The following IKZF3 variants were observed in gnomAD, a reference collection of about 807,000 sequenced individuals.
IKZF3 encodes the protein IKAROS family zinc finger 3.
Under a neutral mutation model 49.0 loss-of-function variants are expected in IKZF3, and 10 were observed. The observed-to-expected ratio is 0.20, with a 90% confidence interval of 0.13 to 0.35. The LOEUF (loss-of-function observed/expected upper bound fraction) is 0.35, where lower values mean the gene tolerates loss of function less well. IKZF3 is among the 10% of genes least tolerant of loss of function. The pLI is 1.00. For missense variants in IKZF3, 498 were observed against 664.8 expected, an observed-to-expected ratio of 0.75 and a Z score of 2.76; for synonymous variants, 209 against 228.2, an observed-to-expected ratio of 0.92 and a Z score of 0.76.
intron 1 of IKZF3, among the ~76,000 whole-genome samples, chr17:39,845,146 T>C (rs925116589): frequency 6.6e-6 from 1 of 152,218 alleles, no homozygotes; most frequent in African/African-American, 2.4e-5. Context: ...AGAATGGTTT[T>C]TACATCTTTA....
intron 1 of IKZF3, among the ~76,000 whole-genome samples, chr17:39,856,098 T>C (rs938446754): frequency 2.0e-5 from 3 of 150,948 alleles, no homozygotes; most frequent in Non-Finnish European, 4.4e-5. Context: ...ATAACATGTA[T>C]ATTGTATATG....
At position 39,792,655 on chromosome 17, in the gene IKZF3, A is replaced by G; in HGVS notation, c.424+18T>C. The G allele has an allele frequency of 6.2e-7, 1 of 1,600,830 alleles. No homozygotes were observed. The highest frequency in any genetic ancestry group is 8.5e-7 in the Non-Finnish European group (1 of 1,172,848). ...ATTAGGAGAGTTTTCAGAAGAATGA[A>G]AAAAGCAGACTATTTACCAGTATGG... On this transcript the variant is annotated intron_variant, in intron 4 of 7. Coordinates refer to ENST00000346872, the MANE Select transcript of IKZF3 (RefSeq NM_012481.5).
At chr17:39,838,768 C>T (rs539297193) in intron 1 of IKZF3, among the ~76,000 whole-genome samples, 2 of 152,054 alleles carry the variant, frequency 1.3e-5, no homozygotes, top group South Asian at 4.2e-4. Context: ...TATGCTGGAC[C>T]TTGTGAATGA....
In IKZF3 at chr17:39,759,876, A is replaced by C. The variant is rs1450716200; in HGVS notation, c.*5914T>G. 1 of 152,224 alleles carries C rather than the reference A, an allele frequency of 6.6e-6. No homozygotes were observed. Among genetic ancestry groups the C allele is most frequent in the African/African-American group, 2.4e-5 (1 of 41,438 alleles). 9.4% of individuals were successfully genotyped at this position (152,224 alleles called of 1,614,324 possible). On this transcript the variant is annotated 3_prime_UTR_variant, in exon 8 of 8. Coordinates refer to ENST00000346872, the MANE Select transcript of IKZF3 (RefSeq NM_012481.5). The stretch of plus-strand genomic sequence containing the variant: ...TCTAAAAGATGAGGTATCACTATAT[A>C]TCGGGTTTTTTTCTTCTGTTCCTGG...
At chr17:39,814,225 T>C (rs573939356) in intron 3 of IKZF3, among the ~76,000 whole-genome samples, 1 of 152,334 alleles carries the variant, frequency 6.6e-6, no homozygotes, top group South Asian at 2.1e-4. Flanking sequence ...GATCTAAGCA[T>C]CTACACTGCA....
At chr17:39,775,878 C>A (rs1170813113) in intron 7 of IKZF3, among the ~76,000 whole-genome samples, 1 of 150,628 alleles carries the variant, frequency 6.6e-6, no homozygotes, top group Non-Finnish European at 1.5e-5. Context: ...GAGCCGAGAT[C>A]GCGCCATTGC....
intron 1 of IKZF3, among the ~76,000 whole-genome samples, chr17:39,846,144 T>G (rs2062624288): frequency 6.6e-6 from 1 of 152,200 alleles, no homozygotes. Flanking sequence ...GTTTTAAGGT[T>G]TAATTAAAAC....
intron 1 of IKZF3, among the ~76,000 whole-genome samples, chr17:39,848,003 T>C (rs1362054971): frequency 6.6e-6 from 1 of 152,226 alleles, no homozygotes; most frequent in Non-Finnish European, 1.5e-5. Context: ...CTGTGCATTA[T>C]TGCTGATTGA....
intron 3 of IKZF3, among the ~76,000 whole-genome samples, chr17:39,806,002 T>C (rs1435304577): frequency 1.3e-5 from 2 of 152,242 alleles, no homozygotes; most frequent in African/African-American, 4.8e-5. Context: ...AACTTATTTT[T>C]TTCCACTGAA....
chr17:39,784,854 C>T (rs2060835717), intron 6 of IKZF3, among the ~76,000 whole-genome samples: 1 of 152,178 alleles, frequency 6.6e-6, no homozygotes, highest in Non-Finnish European at 1.5e-5. Context: ...CCAATACCTG[C>T]ATTTTTTTGC....
At chr17:39,858,505 G>GC (rs1555645166) in intron 1 of IKZF3, among the ~76,000 whole-genome samples, 1 of 151,950 alleles carries the variant, frequency 6.6e-6, no homozygotes, top group Non-Finnish European at 1.5e-5. Flanking sequence ...CAAGTACCTA[G>GC]TTTTTTGTTT....
At chr17:39,826,145 C>T (rs140456509) in intron 3 of IKZF3, among the ~76,000 whole-genome samples, 5 of 152,264 alleles carry the variant, frequency 3.3e-5, no homozygotes, top group East Asian at 1.9e-4. Context: ...CAGGCTCAAA[C>T]GATCCTACCA....
intron 1 of IKZF3, among the ~76,000 whole-genome samples, chr17:39,853,663 C>T (rs1481504297): frequency 2.0e-5 from 3 of 151,784 alleles, no homozygotes; most frequent in Admixed American, 6.6e-5. Context: ...TGGAGAAACT[C>T]TGTCTCTACT....
chr17:39,778,320 T>A (rs74407314), intron 6 of IKZF3: 1 of 284,690 alleles, frequency 3.5e-6, no homozygotes, highest in Admixed American at 6.5e-5. Flanking sequence ...TTTTTTTTTT[T>A]CAGCACGCTC....
At chr17:39,862,709 A>T (rs973114962) in intron 1 of IKZF3, among the ~76,000 whole-genome samples, 1 of 152,136 alleles carries the variant, frequency 6.6e-6, no homozygotes, top group Non-Finnish European at 1.5e-5. Flanking sequence ...AAAGTTATTG[A>T]TCTACATTCT....
intron 1 of IKZF3, chr17:39,836,053 G>C: frequency 1.5e-6 from 1 of 647,258 alleles, no homozygotes; most frequent in Non-Finnish European, 2.8e-6. Flanking sequence ...TTGGTCTCCA[G>C]CATCTTGTTC....
At chr17:39,779,474 A>G (rs188257915) in intron 6 of IKZF3, among the ~76,000 whole-genome samples, 2 of 152,108 alleles carry the variant, frequency 1.3e-5, no homozygotes, top group Non-Finnish European at 2.9e-5. Flanking sequence ...AAAAATAAAT[A>G]AATTAATTAA....
At chr17:39,815,675 A>G (rs2061663205) in intron 3 of IKZF3, among the ~76,000 whole-genome samples, 1 of 152,252 alleles carries the variant, frequency 6.6e-6, no homozygotes, top group South Asian at 2.1e-4. Context: ...ATGCTAAACA[A>G]AAATAAAGAC....
Position 39,819,517 on chromosome 17 carries a change from G to A in IKZF3, c.163+9870C>T, listed in dbSNP as rs1323290343. ...ATCCTGTGCCAGGCAGCATTTTTCT[G>A]TCTCTGTGGTTAAAAACTGGTACAA... On this transcript the variant is annotated intron_variant, in intron 3 of 7. Transcript: ENST00000346872. Among the ~76,000 whole-genome samples the A allele has an allele frequency of 4.6e-5, 7 of 152,280 alleles. No homozygotes were observed. In the South Asian group the frequency reaches 1.2e-3, roughly 27 times the overall value.
Sources: allele counts gnomAD v4.1 joint callset (sites outside exome capture counted in the v4.1 genomes callset), GRCh38; gene constraint gnomAD v4.1.1; transcripts MANE v1.5; gene names NCBI Gene and HGNC (gene_info 2026-07-23, HGNC 2026-07-21).